The following SLIT3 variants were observed in gnomAD, a reference collection of about 807,000 sequenced individuals.
SLIT3 encodes slit homolog 3 protein.
A neutral mutation model predicts 184.0 loss-of-function variants in SLIT3; 68 were observed. That is an observed-to-expected ratio of 0.37 (90% CI 0.30 to 0.45). The LOEUF (loss-of-function observed/expected upper bound fraction) is 0.45. Among genes scored for constraint, SLIT3 ranks in the 20% least tolerant of loss-of-function variants. The pLI, the probability that SLIT3 is intolerant of heterozygous loss-of-function variation, is 1.00. For missense variants in SLIT3, 1,707 were observed against 2,026.0 expected (o/e 0.84, Z 3.02); for synonymous variants, 831 against 828.6 (o/e 1.00, Z -0.05).
intron 4 of SLIT3, among the ~76,000 whole-genome samples, chr5:168,894,580 T>C (rs908915839): frequency 6.6e-6 from 1 of 152,114 alleles, no homozygotes; most frequent in African/African-American, 2.4e-5. Context: ...GCTTGTGAAC[T>C]AAGGAGCCAC....
intron 4 of SLIT3, among the ~76,000 whole-genome samples, chr5:169,116,263 G>C (rs1334752881): frequency 6.6e-6 from 1 of 152,214 alleles, no homozygotes; most frequent in Non-Finnish European, 1.5e-5. Flanking sequence ...TGAGCAGAGA[G>C]GTGAGCAGAC....
chr5:169,195,873 G>T lies in SLIT3; in HGVS notation c.342-2323C>A, dbSNP rs555188287. On this transcript the variant is annotated intron_variant, in intron 3 of 35. Coordinates refer to ENST00000519560, the MANE Select transcript of SLIT3 (RefSeq NM_003062.4). ...CAGTGCTTTTTATTTTTAAAAAATT[G>T]CAGTAAAATCACATATCATGAGATT... Among the ~76,000 whole-genome samples the T allele has an allele frequency of 7.9e-5, 12 of 152,218 alleles. No homozygotes were observed. The East Asian group carries it at 2.1e-3, about 27-fold the overall frequency.
At chr5:168,752,175 C>T (rs181986912) in intron 18 of SLIT3, among the ~76,000 whole-genome samples, 2 of 152,186 alleles carry the variant, frequency 1.3e-5, no homozygotes, top group East Asian at 3.9e-4. Flanking sequence ...CTGGCTTCCT[C>T]TTCAGCCTTG....
intron 4 of SLIT3, among the ~76,000 whole-genome samples, chr5:169,107,984 A>T (rs576978240): frequency 2.0e-5 from 3 of 152,214 alleles, no homozygotes; most frequent in Non-Finnish European, 4.4e-5. Flanking sequence ...CTCATTCTTC[A>T]CACTCATTTT....
chr5:168,768,864 C>A lies in SLIT3; in HGVS notation c.1459+3917G>T, dbSNP rs187613679. Among the ~76,000 whole-genome samples, 25 of 152,284 alleles carry A rather than the reference C, an allele frequency of 1.6e-4. No individual in the cohort carries two copies. In the East Asian group the frequency reaches 4.4e-3, roughly 27 times the overall value. On this transcript the variant is annotated intron_variant, in intron 14 of 35. Transcript: ENST00000519560. ...TGGCTGATAGACACTCATCCCAGAT[C>A]ATTTGAGGTTTAATAGAGGAGCAGT...
intron 4 of SLIT3, among the ~76,000 whole-genome samples, chr5:169,147,443 TAC>T (rs1761963129): frequency 6.6e-6 from 1 of 152,066 alleles, no homozygotes; most frequent in African/African-American, 2.4e-5. Context: ...TAATTTTTAC[TAC>T]AGACAGGGTT....
intron 4 of SLIT3, among the ~76,000 whole-genome samples, chr5:168,913,666 G>A (rs922009042): frequency 6.6e-6 from 1 of 151,274 alleles, no homozygotes; most frequent in Non-Finnish European, 1.5e-5. Flanking sequence ...GCTTGAACCT[G>A]GGAGGCAGAG....
At chr5:169,162,577 C>A (rs1762513919) in intron 4 of SLIT3, among the ~76,000 whole-genome samples, 2 of 152,216 alleles carry the variant, frequency 1.3e-5, no homozygotes, top group Admixed American at 1.3e-4. Context: ...CAAAACCAGA[C>A]AAGCATGTGC....
At chr5:169,007,747 T>G (rs2113445383) in intron 4 of SLIT3, among the ~76,000 whole-genome samples, 1 of 152,366 alleles carries the variant, frequency 6.6e-6, no homozygotes. Context: ...AAAGATGGCC[T>G]TTAACTAATG....
rs149129418 is a variant in SLIT3 at position 168,801,683 on chromosome 5, T to C, written c.935+4763A>G. 3.0e-3 allele frequency among the ~76,000 whole-genome samples: 455 copies of C among 152,318 alleles called. 6 individuals are homozygous for C. The highest frequency in any genetic ancestry group is 0.01 in the African/African-American group (433 of 41,578). On this transcript the variant is annotated intron_variant, in intron 9 of 35. Transcript: ENST00000519560. ...CAGAGCAGATGAACATGTGGGTCTCTGGGGCTTCCCATAATCAAAACCTGC... is the reference window on the plus strand; with the variant it reads ...CAGAGCAGATGAACATGTGGGTCTCCGGGGCTTCCCATAATCAAAACCTGC...
chr5:168,983,879 T>G (rs887332815), intron 4 of SLIT3, among the ~76,000 whole-genome samples: 1 of 152,098 alleles, frequency 6.6e-6, no homozygotes, highest in African/African-American at 2.4e-5. Flanking sequence ...ACATCATTAC[T>G]ATCTTAAAAG....
At chr5:168,914,254 G>C (rs1242003645) in intron 4 of SLIT3, among the ~76,000 whole-genome samples, 1 of 152,132 alleles carries the variant, frequency 6.6e-6, no homozygotes, top group Non-Finnish European at 1.5e-5. Context: ...GGGGGTCTCC[G>C]AATTAATTAG....
intron 4 of SLIT3, among the ~76,000 whole-genome samples, chr5:168,896,480 A>G (rs1581188942): frequency 6.6e-6 from 1 of 152,218 alleles, no homozygotes; most frequent in Non-Finnish European, 1.5e-5. Flanking sequence ...TGCCCCACAG[A>G]ATATTACAGA....
intron 5 of SLIT3, among the ~76,000 whole-genome samples, chr5:168,846,335 G>A (rs1758466379): frequency 2.6e-5 from 4 of 152,040 alleles, no homozygotes; most frequent in Admixed American, 6.6e-5. Flanking sequence ...CCACTCACAC[G>A]GAGTCTCACC....
chr5:169,289,026 A>T (rs1767253858), intron 1 of SLIT3, among the ~76,000 whole-genome samples: 1 of 152,224 alleles, frequency 6.6e-6, no homozygotes, highest in African/African-American at 2.4e-5. Flanking sequence ...CTAAATTTAG[A>T]AGGCATTTGG....
At chr5:168,817,555 C>A (rs1757375116) in intron 7 of SLIT3, 92 bp from the exon 8 acceptor site, 1 of 1,241,550 alleles carries the variant, frequency 8.1e-7, no homozygotes, top group Non-Finnish European at 1.1e-6. Context: ...CCCCTGTTGC[C>A]CCTTTCTCCA....
chr5:168,703,330 A>G (rs143744587), intron 26 of SLIT3, among the ~76,000 whole-genome samples: 1 of 148,110 alleles, frequency 6.8e-6, no homozygotes, highest in Non-Finnish European at 1.5e-5. Context: ...GGTGTCCCCA[A>G]CCCCTGGGAC....
chr5:169,280,684 G>C (rs555392317), intron 1 of SLIT3, among the ~76,000 whole-genome samples: 45 of 152,268 alleles, frequency 3.0e-4, no homozygotes, highest in Middle Eastern at 3.4e-3. Context: ...GATCTGGCTG[G>C]AGCATCTCGG....
intron 4 of SLIT3, among the ~76,000 whole-genome samples, chr5:169,143,520 C>T (rs1029495519): frequency 4.6e-5 from 7 of 152,182 alleles, no homozygotes; most frequent in East Asian, 1.9e-4. Context: ...ATGCATTGGC[C>T]GGGTGCAGTG....
Sources: allele counts gnomAD v4.1 joint callset (sites outside exome capture counted in the v4.1 genomes callset), GRCh38; gene constraint gnomAD v4.1.1; transcripts MANE v1.5; gene names NCBI Gene and HGNC (gene_info 2026-07-23, HGNC 2026-07-21).